NRXN1: variants seen among roughly 807,000 people sequenced by gnomAD.
NRXN1 encodes the protein neurexin 1.
NRXN1 carries 39 observed loss-of-function variants against 150.9 expected under a neutral mutation model. The ratio of observed to expected loss-of-function variants is 0.26; its 90% CI spans 0.20 to 0.34. The LOEUF is 0.34. Ranked by LOEUF, NRXN1 falls within the 10% of genes least tolerant of loss-of-function variation. NRXN1 has a pLI of 1.00. For synonymous variants in NRXN1, 924 were observed against 757.0 expected, an observed-to-expected ratio of 1.22 and a Z score of -3.62; for missense variants, 1,815 against 1,949.9, an observed-to-expected ratio of 0.93 and a Z score of 1.30.
intron 18 of NRXN1, among the ~76,000 whole-genome samples, chr2:50,191,155 G>C (rs912761831): frequency 3.3e-5 from 5 of 150,902 alleles, no homozygotes; most frequent in Non-Finnish European, 7.4e-5. Flanking sequence ...CAGCCTCCTA[G>C]GTAGCTGGGA....
chr2:50,860,197 T>C (rs960866877), intron 5 of NRXN1, among the ~76,000 whole-genome samples: 1 of 151,894 alleles, frequency 6.6e-6, no homozygotes, highest in South Asian at 2.1e-4. Flanking sequence ...CTTGTGCCAG[T>C]TGCTTTGTTG....
At chr2:50,098,305 T>C (rs1399493679) in intron 18 of NRXN1, among the ~76,000 whole-genome samples, 1 of 152,042 alleles carries the variant, frequency 6.6e-6, no homozygotes, top group Non-Finnish European at 1.5e-5. Flanking sequence ...GGAAGGTAAA[T>C]CGTGCATGCA....
intron 18 of NRXN1, among the ~76,000 whole-genome samples, chr2:50,173,164 T>C (rs1053502110): frequency 1.3e-5 from 2 of 152,146 alleles, no homozygotes; most frequent in Non-Finnish European, 2.9e-5. Flanking sequence ...AAATGTGCTA[T>C]CTGGAGCATA....
At chr2:50,799,720 T>A (rs1707326050) in intron 5 of NRXN1, among the ~76,000 whole-genome samples, 1 of 152,202 alleles carries the variant, frequency 6.6e-6, no homozygotes, top group Admixed American at 6.5e-5. Context: ...CGTGCTCTGA[T>A]CATGTTTAGT....
chr2:50,591,738 C>T (rs1353972485), intron 8 of NRXN1, among the ~76,000 whole-genome samples: 1 of 152,180 alleles, frequency 6.6e-6, no homozygotes, highest in East Asian at 1.9e-4. Flanking sequence ...TCTGGGACAG[C>T]ACATGGTTCT....
In NRXN1 at chr2:50,131,080, TAATTTTG is replaced by T. The variant is rs564416111; in HGVS notation, c.3547-39593_3547-39587del. Among the ~76,000 whole-genome samples, 600 of 152,332 alleles carry T rather than the reference TAATTTTG, an allele frequency of 3.9e-3. 1 individual carries two copies. The highest frequency in any genetic ancestry group is 0.02 in the South Asian group (98 of 4,826). On this transcript the variant is annotated intron_variant, in intron 18 of 22. Transcript: ENST00000401669. Reference sequence around the variant, plus strand: ...AGTTGAGCACCTCTGAAACTCATTTTAATTTTGCAGGACTCTCAGATTATTAGGAAGC... The same window carrying T: ...AGTTGAGCACCTCTGAAACTCATTTTCAGGACTCTCAGATTATTAGGAAGC...
intron 9 of NRXN1, among the ~76,000 whole-genome samples, chr2:50,541,601 T>A (rs1328397179): frequency 6.6e-6 from 1 of 152,154 alleles, no homozygotes; most frequent in African/African-American, 2.4e-5. Flanking sequence ...GGTAAGATTC[T>A]TACTACAAAT....
At chr2:50,112,441 C>T (rs938302360) in intron 18 of NRXN1, among the ~76,000 whole-genome samples, 1 of 152,220 alleles carries the variant, frequency 6.6e-6, no homozygotes, top group South Asian at 2.1e-4. Flanking sequence ...TAGACAGAGA[C>T]AAATCCGTGT....
At chr2:50,073,549 A>G (rs943130994) in intron 19 of NRXN1, among the ~76,000 whole-genome samples, 4 of 152,046 alleles carry the variant, frequency 2.6e-5, no homozygotes, top group African/African-American at 7.2e-5. Context: ...TTCCTTTCAA[A>G]TCCTGCTTTT....
In NRXN1 at chr2:50,579,474, A is replaced by T. The variant is rs551347437; in HGVS notation, c.1321-26449T>A. 1.1e-4 allele frequency among the ~76,000 whole-genome samples: 17 copies of T among 152,248 alleles called. No individual in the cohort carries two copies. In the South Asian group the frequency reaches 2.7e-3, roughly 24 times the overall value. On this transcript the variant is annotated intron_variant, in intron 8 of 22. Coordinates refer to ENST00000401669, the MANE Select transcript of NRXN1 (RefSeq NM_001330078.2). ...CCAGTTTGAGATCAGCCTGGGCAAC[A>T]CAGTCTCTACCAAAAACAAGCAAAA...
intron 5 of NRXN1, among the ~76,000 whole-genome samples, chr2:50,666,879 A>ATGATGATGATGATGATG (rs1237981785): frequency 1.9e-5 from 2 of 107,816 alleles, no homozygotes; most frequent in South Asian, 3.6e-4. Context: ...GATGATGATG[A>ATGATGATGATGATGATG]TGTGTGTGTG....
At position 50,091,376 on chromosome 2, in the gene NRXN1, C is replaced by G; in HGVS notation, c.3665G>C (p.Gly1222Ala). 1 of 1,614,190 alleles carries G rather than the reference C, an allele frequency of 6.2e-7. No individual in the cohort carries two copies. Among genetic ancestry groups the G allele is most frequent in the Non-Finnish European group, 8.5e-7 (1 of 1,180,030 alleles). ...GCTGTCCACCTGCAACGTGGCATTG[C>G]CACCACTCCTCGTGAAACGAACTAC... is the stretch of plus-strand genomic sequence containing the variant. ...YHVVRFTRSG[G>A]NATLQVDSWP... Residue 1222 changes from glycine to alanine, a missense_variant, in exon 19 of 23, where the codon GGC becomes GCC. Physicochemically the swap from Gly to Ala is moderately conservative, Grantham distance 60. Transcript: ENST00000401669.
At chr2:50,035,092 C>T (rs2351152) in intron 21 of NRXN1, among the ~76,000 whole-genome samples, 108,342 of 152,036 alleles carry the variant, frequency 0.71, 38,859 homozygotes, top group African/African-American at 0.78. Context: ...TCATTGACTG[C>T]ACATCTCAGG....
At chr2:50,260,038 C>T (rs899039519) in intron 17 of NRXN1, among the ~76,000 whole-genome samples, 12 of 151,784 alleles carry the variant, frequency 7.9e-5, no homozygotes, top group Admixed American at 3.9e-4. Flanking sequence ...TCCATCACTA[C>T]TGGAAAATAT....
intron 18 of NRXN1, among the ~76,000 whole-genome samples, chr2:50,228,709 A>G (rs1290502950): frequency 6.6e-6 from 1 of 152,042 alleles, no homozygotes; most frequent in Admixed American, 6.6e-5. Context: ...ATCTTTCACC[A>G]AACTTTTTTG....
intron 5 of NRXN1, among the ~76,000 whole-genome samples, chr2:50,868,171 A>ATATATATATATATATATATATG (rs1677230048): frequency 1.2e-5 from 1 of 85,682 alleles, no homozygotes; most frequent in African/African-American, 3.3e-5. Flanking sequence ...ATATATATAT[A>ATATATATATATATATATATATG]TATATATATA....
intron 5 of NRXN1, among the ~76,000 whole-genome samples, chr2:50,687,570 T>A (rs1040512443): frequency 6.6e-6 from 1 of 152,194 alleles, no homozygotes; most frequent in Non-Finnish European, 1.5e-5. Flanking sequence ...GGAAACCAGA[T>A]AACCAAGTTT....
In NRXN1 at chr2:50,053,200, G is replaced by A. The variant is rs1363049; in HGVS notation, c.4128+71C>T. On this transcript the variant is annotated intron_variant, in intron 21 of 22. Coordinates refer to ENST00000401669, the MANE Select transcript of NRXN1 (RefSeq NM_001330078.2). ...AAAAATGTTCCAATTTAGAAAAGAC[G>A]CATATGCAGAAAAGCCCACTATCAT... 915,426 of 1,482,350 alleles carry A rather than the reference G, an allele frequency of 0.62. 284,156 individuals carry two copies. Among genetic ancestry groups the A allele is most frequent in the Admixed American group, 0.68 (40,789 of 59,612 alleles). The allele number at this position is 1,482,350 out of a possible 1,614,324, so 91.8% of individuals were successfully genotyped here. A position where few individuals can be genotyped will look rare whatever the true frequency, so the allele number is the denominator to read the frequency against.
intron 5 of NRXN1, chr2:50,918,425 G>C (rs1160442744): frequency 1.6e-5 from 5 of 321,124 alleles, no homozygotes; most frequent in Non-Finnish European, 2.3e-5. Context: ...GGAAAAGTTA[G>C]CATTAAGTAT....
Sources: gnomAD v4.1 joint callset for allele counts (sites outside exome capture counted in the v4.1 genomes callset) on GRCh38, gnomAD v4.1.1 for gene constraint, MANE v1.5 for transcripts, NCBI Gene and HGNC (gene_info 2026-07-23, HGNC 2026-07-21) for gene names.